The following FKBP15 variants were observed in gnomAD, a reference collection of about 807,000 sequenced individuals.
The protein encoded by FKBP15 is FK506-binding protein 15.
Under a neutral mutation model 158.1 loss-of-function variants are expected in FKBP15, and 106 were observed. The ratio of observed to expected loss-of-function variants is 0.67; its 90% CI spans 0.57 to 0.79. The LOEUF (loss-of-function observed/expected upper bound fraction) is 0.79, where lower values mean the gene tolerates loss of function less well. Among genes scored for constraint, FKBP15 ranks in the 30% least tolerant of loss-of-function variants. FKBP15 has a pLI of 0.00. For missense variants in FKBP15, 1,287 were observed against 1,479.1 expected, an observed-to-expected ratio of 0.87 and a Z score of 2.13; for synonymous variants, 547 against 548.6, an observed-to-expected ratio of 1.00 and a Z score of 0.04.
At position 113,184,894 on chromosome 9, in the gene FKBP15, G is replaced by T. The variant is rs989887240; in HGVS notation, c.1499-90C>A. On this transcript the variant is annotated intron_variant, in intron 15 of 27. Coordinates refer to ENST00000238256, the MANE Select transcript of FKBP15 (RefSeq NM_015258.2). The surrounding 1 kb of genome is among the most constrained non-coding windows in gnomAD (Gnocchi z 4.5). ...GCTAGTAGCTCTTCCAGTAAAGAAAGAAATTAATACTTCCATACACTAGGA... is the reference window on the plus strand; with the variant it reads ...GCTAGTAGCTCTTCCAGTAAAGAAATAAATTAATACTTCCATACACTAGGA... 4.1e-6 allele frequency: 4 copies of T among 979,034 alleles called. No individual in the cohort carries two copies. Among genetic ancestry groups the T allele is most frequent in the Middle Eastern group, 2.2e-4 (1 of 4,524 alleles). 60.6% of individuals were successfully genotyped at this position (979,034 alleles called of 1,614,324 possible). A position where few individuals can be genotyped will look rare whatever the true frequency, so the allele number is the denominator to read the frequency against.
At chr9:113,173,295 T>A (rs1227388259) in intron 23 of FKBP15, among the ~76,000 whole-genome samples, 158 bp downstream of exon 23, 1 of 152,234 alleles carries the variant, frequency 6.6e-6, no homozygotes, top group East Asian at 1.9e-4. Flanking sequence ...TCACCCCACA[T>A]AAGTATGTGA....
In FKBP15 at chr9:113,194,011, A is replaced by T. The variant is rs556332439; in HGVS notation, c.1007+16T>A. 1.9e-5 allele frequency: 30 copies of T among 1,592,384 alleles called. No individual in the cohort carries two copies. The highest frequency in any genetic ancestry group is 2.6e-5 in the Non-Finnish European group (30 of 1,167,984). ...TATGAGCCATAAAAGAGCTTGATAC[A>T]ACTGCAGTATCTTACCCTGATTTGA... is the stretch of plus-strand genomic sequence containing the variant. On this transcript the variant is annotated intron_variant, in intron 10 of 27. Transcript: ENST00000238256.
At chr9:113,202,713 C>T in intron 5 of FKBP15, 84 bp from the exon 6 acceptor site, 1 of 1,113,370 alleles carries the variant, frequency 9.0e-7, no homozygotes, top group East Asian at 2.6e-5. Flanking sequence ...AGAGTAGGGT[C>T]TTGACTCAGG....
At chr9:113,192,606 G>C (rs1392917084) in intron 11 of FKBP15, among the ~76,000 whole-genome samples, 1 of 152,188 alleles carries the variant, frequency 6.6e-6, no homozygotes, top group African/African-American at 2.4e-5. Flanking sequence ...AATTAGTACA[G>C]AGCTCCTCTG....
chr9:113,181,944 G>T (rs1206251649), intron 19 of FKBP15, among the ~76,000 whole-genome samples: 1 of 152,296 alleles, frequency 6.6e-6, no homozygotes, highest in African/African-American at 2.4e-5. Context: ...AATGGGAACA[G>T]AACAGGGTCA....
chr9:113,177,855 A>G (rs763603678), intron 20 of FKBP15, among the ~76,000 whole-genome samples: 8 of 152,274 alleles, frequency 5.3e-5, no homozygotes, highest in Non-Finnish European at 1.2e-4. Flanking sequence ...CAAATCTTCT[A>G]TCCAATCACC....
rs1459117204 is a variant in FKBP15, at chr9:113,184,365, G to C, written c.1643C>G (p.Ser548Cys). 1 of 1,607,012 alleles carries C rather than the reference G, an allele frequency of 6.2e-7. No homozygotes were observed. The highest frequency in any genetic ancestry group is 8.5e-7 in the Non-Finnish European group (1 of 1,176,356). ...AACTGACATGCTAGGAATAAGCATG[G>C]AATTGCCAGCACTATGTTTCTGTAA... ...EELQKHSAGN[S>C]MLIPSMSVTM... Residue 548 changes from serine to cysteine, a missense_variant, in exon 17 of 28, where the codon TCC becomes TGC. By Grantham distance (112) the Ser-to-Cys change is moderately radical (BLOSUM62 -1). Coordinates refer to ENST00000238256, the MANE Select transcript of FKBP15 (RefSeq NM_015258.2). The surrounding 1 kb of genome is among the most constrained non-coding windows in gnomAD (Gnocchi z 4.5).
intron 19 of FKBP15, among the ~76,000 whole-genome samples, chr9:113,179,377 A>G (rs2118878885): frequency 6.6e-6 from 1 of 152,290 alleles, no homozygotes; most frequent in Non-Finnish European, 1.5e-5. Context: ...AAAAAAGAAA[A>G]TAAAGGCCGG....
rs567746323 is a variant in FKBP15, at chr9:113,212,975, AC to A, written c.54-1384del. Among the ~76,000 whole-genome samples the A allele has an allele frequency of 7.9e-5, 12 of 152,264 alleles. No homozygotes were observed. In the South Asian group the frequency reaches 2.5e-3, roughly 32 times the overall value. ...CTCCAATGCCCACTGCCCCAGCAAA[AC>A]CTGTTCTTCCTTTTGTGCTCCAAGA... On this transcript the variant is annotated intron_variant, in intron 1 of 27. Coordinates refer to ENST00000238256, the MANE Select transcript of FKBP15 (RefSeq NM_015258.2).
Position 113,211,566 on chromosome 9 carries a change from A to C in FKBP15, c.80T>G (p.Leu27Arg). Reference sequence around the variant, plus strand: ...TCCATGGCCAGCAGCTGCCTGATCCAGTCCAAAAAGTGAGGCCAATCTGGC... The same window carrying C: ...TCCATGGCCAGCAGCTGCCTGATCCCGTCCAAAAAGTGAGGCCAATCTGGC... Reference protein sequence around the residue: ...GGARLASLFGLDQAAAGHGNE... With the variant: ...GGARLASLFGRDQAAAGHGNE... Residue 27 changes from leucine to arginine, a missense_variant, in exon 2 of 28, where the codon CTG (leucine) becomes CGG (arginine). Coordinates refer to ENST00000238256, the MANE Select transcript of FKBP15 (RefSeq NM_015258.2). The C allele has an allele frequency of 6.2e-7, 1 of 1,604,132 alleles. No homozygotes were observed. Among genetic ancestry groups the C allele is most frequent in the African/African-American group, 1.3e-5 (1 of 74,940 alleles).
intron 1 of FKBP15, among the ~76,000 whole-genome samples, chr9:113,213,130 T>C: frequency 6.6e-6 from 1 of 152,164 alleles, no homozygotes; most frequent in East Asian, 1.9e-4. Flanking sequence ...ACAGGTCGGC[T>C]GGGCACAGTG....
At position 113,182,775 on chromosome 9, in the gene FKBP15, T is replaced by C. The variant is rs745417892; in HGVS notation, c.1905A>G (p.Glu635=). The part of the protein sequence containing the change: ...ENTQARVLHA[E]QEKAKVTEEL... Reference sequence around the variant, plus strand: ...TCCCCAGTTGCTTTACCTTCTCTTGTTCAGCATGCAATACTCTTGCCTGTG... The same window carrying C: ...TCCCCAGTTGCTTTACCTTCTCTTGCTCAGCATGCAATACTCTTGCCTGTG... Residue 635 remains glutamate (E), a synonymous_variant, in exon 19 of 28, where the codon GAA becomes GAG. Coordinates refer to ENST00000238256, the MANE Select transcript of FKBP15 (RefSeq NM_015258.2). 1.2e-6 allele frequency: 2 copies of C among 1,613,746 alleles called. No individual in the cohort carries two copies. The highest frequency in any genetic ancestry group is 1.7e-6 in the Non-Finnish European group (2 of 1,179,670).
intron 19 of FKBP15, among the ~76,000 whole-genome samples, chr9:113,180,688 G>A (rs1439222390): frequency 2.0e-5 from 3 of 152,156 alleles, no homozygotes; most frequent in African/African-American, 7.2e-5. Context: ...TAGCTGAATG[G>A]AAATGGGGTC....
intron 12 of FKBP15, among the ~76,000 whole-genome samples, chr9:113,190,166 G>C (rs1830550146): frequency 6.6e-6 from 1 of 152,158 alleles, no homozygotes; most frequent in Admixed American, 6.5e-5. Flanking sequence ...CACCTGCTAT[G>C]GATTGGGCAT....
chr9:113,167,538 G>A (rs1325000429), intron 27 of FKBP15, among the ~76,000 whole-genome samples: 1 of 152,100 alleles, frequency 6.6e-6, no homozygotes, highest in Non-Finnish European at 1.5e-5. Context: ...AAGGAACACA[G>A]GCAAGAGGGA....
At chr9:113,174,168 AT>A (rs1242958857) in intron 22 of FKBP15, among the ~76,000 whole-genome samples, 1 of 151,964 alleles carries the variant, frequency 6.6e-6, no homozygotes, top group Non-Finnish European at 1.5e-5. Context: ...CATGTTTGGA[AT>A]TTTTTTTGTA....
At chr9:113,209,294 C>A (rs1830956186) in intron 2 of FKBP15, among the ~76,000 whole-genome samples, 1 of 152,036 alleles carries the variant, frequency 6.6e-6, no homozygotes, top group Non-Finnish European at 1.5e-5. Context: ...AAATTAAGTA[C>A]AATAAAAAAT....
At chr9:113,196,532 T>C (rs1830688491) in intron 9 of FKBP15, among the ~76,000 whole-genome samples, 1 of 151,996 alleles carries the variant, frequency 6.6e-6, no homozygotes, top group Non-Finnish European at 1.5e-5. Context: ...TACAGGCGCA[T>C]GCCACCACGC....
At chr9:113,186,581 GA>G in intron 14 of FKBP15, 1 of 513,670 alleles carries the variant, frequency 1.9e-6, no homozygotes. Flanking sequence ...ATCCTACCCA[GA>G]AACTGAAGAA....
Sources: allele counts gnomAD v4.1 joint callset (sites outside exome capture counted in the v4.1 genomes callset), GRCh38; gene constraint gnomAD v4.1.1; non-coding constraint Gnocchi (gnomAD v3.1); transcripts MANE v1.5; gene names NCBI Gene and HGNC (gene_info 2026-07-23, HGNC 2026-07-21).